The following GLI3 variants were observed in gnomAD, a reference collection of about 807,000 sequenced individuals.
The protein encoded by GLI3 is transcription activator GLI3.
Under a neutral mutation model 100.8 loss-of-function variants are expected in GLI3, and 20 were observed. That is an observed-to-expected ratio of 0.20 (90% CI 0.14 to 0.29). GLI3 has a LOEUF of 0.29. Ranked by LOEUF, GLI3 falls within the 10% of genes least tolerant of loss-of-function variation. The probability of loss-of-function intolerance (pLI) is 1.00; values close to 1 mark genes in which losing one functional copy is unlikely to be tolerated. For missense variants in GLI3, 2,040 were observed against 2,128.5 expected, an observed-to-expected ratio of 0.96 and a Z score of 0.82; for synonymous variants, 938 against 860.5, an observed-to-expected ratio of 1.09 and a Z score of -1.58.
chr7:42,017,774 C>T (rs1179206439), intron 10 of GLI3, among the ~76,000 whole-genome samples: 3 of 152,168 alleles, frequency 2.0e-5, no homozygotes, highest in Non-Finnish European at 4.4e-5. Flanking sequence ...AAATAAGCCA[C>T]AGAAACCGAC....
intron 2 of GLI3, among the ~76,000 whole-genome samples, chr7:42,195,680 G>A (rs1787914944): frequency 6.6e-6 from 1 of 152,084 alleles, no homozygotes; most frequent in African/African-American, 2.4e-5. Context: ...TAATAATCAA[G>A]CTTCACCACC....
intron 2 of GLI3, among the ~76,000 whole-genome samples, chr7:42,173,540 TTTTTCCTGTA>T (rs1787420143): frequency 6.6e-6 from 1 of 152,172 alleles, no homozygotes; most frequent in South Asian, 2.1e-4. Context: ...TCCAGTCATT[TTTTTCCTGTA>T]TTTTCCTGTC....
In GLI3 at chr7:42,040,164, T is replaced by G; in HGVS notation, c.902A>C (p.Asp301Ala). The G allele has an allele frequency of 6.2e-7, 1 of 1,613,944 alleles. No individual in the cohort carries two copies. Residue 301 changes from aspartate (D) to alanine (A), a missense_variant, in exon 7 of 15, where the codon GAT (aspartate) becomes GCT (alanine). Physicochemically the swap from Asp to Ala is moderately radical, Grantham distance 126. Around this residue, in one of 5 missense-constraint regions of GLI3, gnomAD observed 603 missense variants for 690.9 expected, o/e 0.87. Transcript: ENST00000395925. ...KRTLSISPLS[D>A]HSFDLQTMIR... ...CATGGTCTGAAGGTCAAAGCTATGA[T>G]CGGAGAGTGGTGATATGGACAGTGT...
Position 41,964,063 on chromosome 7 carries a change from A to AG in GLI3, c.*266dup, listed in dbSNP as rs200963676. 3.2e-3 allele frequency: 928 copies of AG among 290,000 alleles called. 3 individuals carry two copies. The highest frequency in any genetic ancestry group is 4.6e-3 in the South Asian group (94 of 20,230). 18.0% of individuals were successfully genotyped at this position (290,000 alleles called of 1,614,324 possible). On this transcript the variant is annotated 3_prime_UTR_variant, in exon 15 of 15. Coordinates refer to ENST00000395925, the MANE Select transcript of GLI3 (RefSeq NM_000168.6). ...TTACTAAAAAGGGGGCGGGGCTTACAGTTTTTTTTTTTTTTTTTAAAAAGA... is the reference window on the plus strand; with the variant it reads ...TTACTAAAAAGGGGGCGGGGCTTACAGGTTTTTTTTTTTTTTTTTAAAAAGA...
chr7:42,099,648 A>T (rs1785416418), intron 3 of GLI3, among the ~76,000 whole-genome samples: 1 of 152,110 alleles, frequency 6.6e-6, no homozygotes, highest in Non-Finnish European at 1.5e-5. Flanking sequence ...AACTCAAGTG[A>T]TTCTCCTGAG....
At chr7:42,222,977 C>G in intron 2 of GLI3, 153 bp downstream of exon 2, 1 of 810,764 alleles carries the variant, frequency 1.2e-6, no homozygotes. Flanking sequence ...CATTCCATGT[C>G]CCCCCGCCGT....
At chr7:41,994,469 C>A (rs1038088047) in intron 10 of GLI3, among the ~76,000 whole-genome samples, 2 of 152,126 alleles carry the variant, frequency 1.3e-5, no homozygotes, top group African/African-American at 2.4e-5. Context: ...GGCACTTTAC[C>A]TAGAAACACA....
intron 7 of GLI3, among the ~76,000 whole-genome samples, chr7:42,036,251 A>G (rs947829793): frequency 4.6e-5 from 7 of 152,294 alleles, no homozygotes; most frequent in African/African-American, 1.7e-4. Context: ...ATAATATAAC[A>G]CTCATACAGA....
chr7:42,144,910 A>G (rs1786665082), intron 3 of GLI3, among the ~76,000 whole-genome samples: 1 of 152,164 alleles, frequency 6.6e-6, no homozygotes, highest in Non-Finnish European at 1.5e-5. Context: ...CTCAAGGGCA[A>G]GGGGACTGGC....
At chr7:42,171,194 T>TTCTGAA (rs1230426697) in intron 2 of GLI3, among the ~76,000 whole-genome samples, 2 of 152,226 alleles carry the variant, frequency 1.3e-5, no homozygotes, top group Non-Finnish European at 2.9e-5. Flanking sequence ...CAGAAGTCTG[T>TTCTGAA]ATGAGATGTG....
rs563193505 is a variant in GLI3 at position 42,220,828 on chromosome 7, T to C, written c.124+2302A>G. ...CCACTTCCATTTTTCTTTTATTTGA[T>C]TTTTGTCCCAAAATATAAAACAGTA... On this transcript the variant is annotated intron_variant, in intron 2 of 14. Coordinates refer to ENST00000395925, the MANE Select transcript of GLI3 (RefSeq NM_000168.6). 2.6e-5 allele frequency among the ~76,000 whole-genome samples: 4 copies of C among 152,370 alleles called. No individual in the cohort carries two copies. The South Asian group carries it at 6.2e-4, about 24-fold the overall frequency.
intron 4 of GLI3, among the ~76,000 whole-genome samples, chr7:42,055,072 T>TATATATGTATATATACATATATACAC (rs1213918061): frequency 5.1e-5 from 7 of 136,244 alleles, no homozygotes; most frequent in South Asian, 2.2e-4. Flanking sequence ...TATGTATACA[T>TATATATGTATATATACATATATACAC]ATATATGTAT....
intron 4 of GLI3, among the ~76,000 whole-genome samples, chr7:42,063,474 G>GT (rs1191345982): frequency 1.3e-5 from 2 of 152,026 alleles, no homozygotes; most frequent in Non-Finnish European, 1.5e-5. Context: ...TTTTAAACAT[G>GT]TATCATTCCA....
intron 10 of GLI3, among the ~76,000 whole-genome samples, chr7:41,986,645 TATTA>T (rs1374603181): frequency 6.6e-6 from 1 of 152,134 alleles, no homozygotes; most frequent in Non-Finnish European, 1.5e-5. Context: ...TAAATCTATA[TATTA>T]AAAAAGGTGG....
At chr7:42,154,673 A>T (rs1005843639) in intron 2 of GLI3, among the ~76,000 whole-genome samples, 61 of 152,378 alleles carry the variant, frequency 4.0e-4, no homozygotes, top group African/African-American at 1.4e-3. Flanking sequence ...GAGGCTAAGT[A>T]TATTCAAAAG....
At chr7:42,212,862 A>AG (rs1458676917) in intron 2 of GLI3, among the ~76,000 whole-genome samples, 1 of 152,212 alleles carries the variant, frequency 6.6e-6, no homozygotes, top group Non-Finnish European at 1.5e-5. Flanking sequence ...CCTTCCTTCA[A>AG]GGGGAACAGA....
intron 4 of GLI3, among the ~76,000 whole-genome samples, chr7:42,067,040 T>G (rs1197019343): frequency 6.6e-6 from 1 of 152,074 alleles, no homozygotes; most frequent in African/African-American, 2.4e-5. Context: ...TGAAGATATA[T>G]AAAAAAACAT....
At chr7:41,990,791 C>T (rs1158303514) in intron 10 of GLI3, among the ~76,000 whole-genome samples, 2 of 152,080 alleles carry the variant, frequency 1.3e-5, no homozygotes, top group Admixed American at 1.3e-4. Context: ...CTGCTCGTCA[C>T]ATTGCTAAGG....
chr7:42,251,024 T>C (rs1273719442), intron 1 of GLI3, among the ~76,000 whole-genome samples: 1 of 151,872 alleles, frequency 6.6e-6, no homozygotes, highest in African/African-American at 2.4e-5. Flanking sequence ...GATTCATGAG[T>C]TGATGGAACC....
Sources: gnomAD v4.1 joint callset for allele counts (sites outside exome capture counted in the v4.1 genomes callset) on GRCh38, gnomAD v4.1.1 for gene constraint, gnomAD v4.1.1 regional missense constraint, MANE v1.5 for transcripts, NCBI Gene and HGNC (gene_info 2026-07-23, HGNC 2026-07-21) for gene names.